Variants in TRIM33 observed in about 807,000 individuals in gnomAD.
The protein encoded by TRIM33 is E3 ubiquitin-protein ligase TRIM33.
Under a neutral mutation model 125.4 loss-of-function variants are expected in TRIM33, and 20 were observed. The ratio of observed to expected loss-of-function variants is 0.16; its 90% CI spans 0.11 to 0.23. The LOEUF (loss-of-function observed/expected upper bound fraction) is 0.23, where lower values mean the gene tolerates loss of function less well. Ranked by LOEUF, TRIM33 falls within the 10% of genes least tolerant of loss-of-function variation. The pLI is 1.00. For missense variants in TRIM33, 920 were observed against 1,411.4 expected (o/e 0.65, Z 5.58); for synonymous variants, 564 against 513.9 (o/e 1.10, Z -1.32).
chr1:114,508,301 A>G (rs992712073), intron 1 of TRIM33, among the ~76,000 whole-genome samples: 5 of 152,182 alleles, frequency 3.3e-5, no homozygotes, highest in Non-Finnish European at 2.9e-5. Flanking sequence ...TCTCTCCTTC[A>G]TAAATTTCAG....
At chr1:114,510,331 C>A (rs1219312076) in intron 1 of TRIM33, among the ~76,000 whole-genome samples, 1 of 152,174 alleles carries the variant, frequency 6.6e-6, no homozygotes, top group East Asian at 1.9e-4. Flanking sequence ...GTGTCCCCTC[C>A]CCCAGCCTCT....
chr1:114,504,359 G>T (rs1652878857), intron 1 of TRIM33, among the ~76,000 whole-genome samples: 1 of 151,726 alleles, frequency 6.6e-6, no homozygotes, highest in Admixed American at 6.6e-5. Context: ...GTAGACACAG[G>T]GTTTCATCAT....
At chr1:114,426,018 C>A (rs181183423) in intron 8 of TRIM33, among the ~76,000 whole-genome samples, 323 of 152,244 alleles carry the variant, frequency 2.1e-3, no homozygotes, top group Non-Finnish European at 3.4e-3. Flanking sequence ...TTAGAAGAGG[C>A]CTATCTAATC....
Position 114,393,095 on chromosome 1 carries a change from C to T in TRIM33, c.*4553G>A. 1 of 204,846 alleles carries T rather than the reference C, an allele frequency of 4.9e-6. No homozygotes were observed. Among genetic ancestry groups the T allele is most frequent in the Non-Finnish European group, 1.0e-5 (1 of 99,648 alleles). 12.7% of individuals were successfully genotyped at this position (204,846 alleles called of 1,614,324 possible). On this transcript the variant is annotated 3_prime_UTR_variant, in exon 20 of 20. Transcript: ENST00000358465. Reference sequence around the variant, plus strand: ...AAGAATCATATTGAAGGGCAGTTAACTATGTGCAAAAATAATAGTACTAGT... The same window carrying T: ...AAGAATCATATTGAAGGGCAGTTAATTATGTGCAAAAATAATAGTACTAGT...
chr1:114,501,331 C>T (rs1332038238), intron 1 of TRIM33, among the ~76,000 whole-genome samples: 11 of 151,592 alleles, frequency 7.3e-5, no homozygotes, highest in Admixed American at 5.9e-4. Context: ...AGAGAATCTA[C>T]CTCAAAAGCG....
chr1:114,397,694 C>T lies in TRIM33; in HGVS notation c.3338G>A (p.Arg1113His), dbSNP rs761615457. The stretch of plus-strand genomic sequence containing the variant: ...CTCATCTGACTTTAGGCGTTTTCTG[C>T]GGGGCTGTATAAAGTCTTCATCAGA... ...EDSDEDFIQPRRKRLKSDERP... is the reference protein window; with the variant it reads ...EDSDEDFIQPHRKRLKSDERP... The change falls in exon 20 of 20, where the codon CGC becomes CAC. Residue 1113 changes from arginine (R) to histidine (H), a missense_variant. Transcript: ENST00000358465. 6.3e-6 allele frequency: 10 copies of T among 1,597,218 alleles called. No homozygotes were observed. The South Asian group carries it at 6.6e-5, about 11-fold the overall frequency.
chr1:114,466,934 T>C (rs1343321682), intron 1 of TRIM33, among the ~76,000 whole-genome samples: 1 of 152,192 alleles, frequency 6.6e-6, no homozygotes, highest in Non-Finnish European at 1.5e-5. Context: ...TATGTATAAG[T>C]GTATTTAGTC....
chr1:114,450,910 TTTG>T (rs1649271720), intron 4 of TRIM33, among the ~76,000 whole-genome samples: 1 of 152,220 alleles, frequency 6.6e-6, no homozygotes, highest in South Asian at 2.1e-4. Flanking sequence ...TTTCCCAACA[TTTG>T]TTTTCTTTTT....
chr1:114,490,084 C>CAAAAAAAAAAAAAAAAAAAAAA (rs776451339), intron 1 of TRIM33, among the ~76,000 whole-genome samples: 3 of 37,638 alleles, frequency 8.0e-5, no homozygotes, highest in Non-Finnish European at 1.0e-4. Context: ...GACTCCGTCT[C>CAAAAAAAAAAAAAAAAAAAAAA]AAAAAAAAAA....
chr1:114,488,374 T>G (rs1651846178), intron 1 of TRIM33, among the ~76,000 whole-genome samples: 1 of 151,996 alleles, frequency 6.6e-6, no homozygotes, highest in Non-Finnish European at 1.5e-5. Flanking sequence ...ATGAACTAAA[T>G]AAAGACCAGA....
intron 12 of TRIM33, 99 bp downstream of exon 12, chr1:114,410,082 ACCT>A: frequency 9.0e-6 from 12 of 1,337,476 alleles, no homozygotes; most frequent in Non-Finnish European, 1.3e-5. Flanking sequence ...CTTCAAGTAG[ACCT>A]CCTACTTATT....
intron 12 of TRIM33, among the ~76,000 whole-genome samples, chr1:114,409,059 AGAAGTCCT>A (rs1652420415): frequency 6.6e-6 from 1 of 152,244 alleles, no homozygotes. Flanking sequence ...AATTATTTTC[AGAAGTCCT>A]GAAATAATTC....
intron 1 of TRIM33, among the ~76,000 whole-genome samples, chr1:114,502,470 T>A (rs1269290892): frequency 6.6e-6 from 1 of 152,216 alleles, no homozygotes; most frequent in Non-Finnish European, 1.5e-5. Context: ...TAAAAATGAA[T>A]CTTAAATTTT....
intron 4 of TRIM33, among the ~76,000 whole-genome samples, chr1:114,455,647 T>C (rs1041976149): frequency 3.9e-5 from 6 of 152,130 alleles, no homozygotes; most frequent in African/African-American, 1.2e-4. Flanking sequence ...ATGAATAAAT[T>C]GAACACAGAT....
chr1:114,418,290 C>G (rs1047110473), intron 11 of TRIM33, among the ~76,000 whole-genome samples: 6 of 152,206 alleles, frequency 3.9e-5, no homozygotes, highest in Non-Finnish European at 8.8e-5. Context: ...CAGGTCCTTC[C>G]CTCGACCAGT....
chr1:114,501,988 T>C (rs1027621881), intron 1 of TRIM33, among the ~76,000 whole-genome samples: 4 of 152,196 alleles, frequency 2.6e-5, no homozygotes, highest in Non-Finnish European at 5.9e-5. Flanking sequence ...GATGTGCAAT[T>C]TGTGGCCAAA....
intron 11 of TRIM33, among the ~76,000 whole-genome samples, chr1:114,411,297 A>C (rs1340465859): frequency 6.6e-6 from 1 of 152,146 alleles, no homozygotes; most frequent in African/African-American, 2.4e-5. Context: ...TGCACACCTT[A>C]GTCTCCCAAA....
rs76940831 is a variant in TRIM33, at chr1:114,405,757, C to T, written c.2421G>A (p.Leu807=). ...TEDGRRSACM[L]SSPESSLTPP... ...GTGTCAAGCTACTCTCAGGACTGCT[C>T]AACTAAAACAAAACGATGACAAATT... The change falls in exon 15 of 20, where the codon TTG becomes TTA. Residue 807 remains leucine (L), a splice_region_variant and synonymous_variant. Transcript: ENST00000358465. The T allele has an allele frequency of 1.3e-5, 21 of 1,594,820 alleles. No homozygotes were observed. In the African/African-American group the frequency reaches 2.7e-4, roughly 21 times the overall value.
At chr1:114,428,163 T>C (rs1647709481) in intron 6 of TRIM33, among the ~76,000 whole-genome samples, 1 of 152,184 alleles carries the variant, frequency 6.6e-6, no homozygotes, top group Non-Finnish European at 1.5e-5. Flanking sequence ...CTGTTAAAAA[T>C]AGTGTCTTCC....
Sources: allele counts gnomAD v4.1 joint callset (sites outside exome capture counted in the v4.1 genomes callset), GRCh38; gene constraint gnomAD v4.1.1; transcripts MANE v1.5; gene names NCBI Gene and HGNC (gene_info 2026-07-23, HGNC 2026-07-21).